Variants in KCNQ1 observed in about 807,000 individuals in gnomAD.
KCNQ1 encodes the protein potassium voltage-gated channel subfamily KQT member 1.
In KCNQ1, 49 loss-of-function variants were observed where a neutral mutation model predicts 72.4. The observed-to-expected ratio is 0.68, with a 90% CI of 0.54 to 0.86. The LOEUF is 0.86. Among genes scored for constraint, KCNQ1 ranks in the 40% least tolerant of loss-of-function variants. The probability of loss-of-function intolerance (pLI) is 0.00; values close to 1 mark genes in which losing one functional copy is unlikely to be tolerated. For missense variants in KCNQ1, 790 were observed against 945.1 expected (o/e 0.84, Z 2.15); for synonymous variants, 450 against 412.6 (o/e 1.09, Z -1.10).
chr11:2,640,673 C>A, intron 10 of KCNQ1: 1 of 397,928 alleles, frequency 2.5e-6, no homozygotes, highest in South Asian at 1.3e-4. Context: ...CTCAATTTAT[C>A]ATCTCTATAG....
chr11:2,783,155 T>C lies in KCNQ1; in HGVS notation c.1794+5118T>C, dbSNP rs1439948197. On this transcript the variant is annotated intron_variant, in intron 15 of 15. Transcript: ENST00000155840. This position sits in a 1 kb window ranked among gnomAD's most constrained non-coding sequence, Gnocchi z 5.2. ...AAACTACATCTCCCACATTTTGATA[T>C]ATGGCATTTAATTTTAATCTTCATT... Among the ~76,000 whole-genome samples the C allele has an allele frequency of 1.3e-5, 2 of 152,180 alleles. No homozygotes were observed. The highest frequency in any genetic ancestry group is 2.9e-5 in the Non-Finnish European group (2 of 67,998).
intron 1 of KCNQ1, among the ~76,000 whole-genome samples, chr11:2,522,277 G>T (rs1224374448): frequency 1.3e-5 from 2 of 152,148 alleles, no homozygotes; most frequent in Admixed American, 1.3e-4. Context: ...AGCTGGGGGG[G>T]GGTCGGTGTC....
chr11:2,770,561 C>A (rs2133983109), intron 12 of KCNQ1, among the ~76,000 whole-genome samples: 1 of 152,390 alleles, frequency 6.6e-6, no homozygotes. Flanking sequence ...GGCCCTCCCA[C>A]CTGCATCCCC....
rs532968659 is a variant in KCNQ1 at position 2,807,973 on chromosome 11, T to A, written c.1794+29936T>A. Among the ~76,000 whole-genome samples the A allele has an allele frequency of 5.3e-5, 8 of 152,262 alleles. No homozygotes were observed. The South Asian group carries it at 1.7e-3, about 32-fold the overall frequency. Reference sequence around the variant, plus strand: ...CCTGGAGCCTCGGTTTCCACATCTGTAAGGATGAGACAGGAACGGTCTCTC... The same window carrying A: ...CCTGGAGCCTCGGTTTCCACATCTGAAAGGATGAGACAGGAACGGTCTCTC... On this transcript the variant is annotated intron_variant, in intron 15 of 15. Coordinates refer to ENST00000155840, the MANE Select transcript of KCNQ1 (RefSeq NM_000218.3).
At chr11:2,833,506 C>T (rs917233862) in intron 15 of KCNQ1, among the ~76,000 whole-genome samples, 1 of 152,238 alleles carries the variant, frequency 6.6e-6, no homozygotes, top group Non-Finnish European at 1.5e-5. Context: ...GGCACGTGGA[C>T]CTGGGAGCCA....
chr11:2,725,878 T>G lies in KCNQ1; in HGVS notation c.1515-42966T>G, dbSNP rs890641526. ...CCCACAGGCCAAGCGTTTTCTGACT[T>G]GGAGAGGCAGGAGGCCAACTCCCCG... On this transcript the variant is annotated intron_variant, in intron 11 of 15. Transcript: ENST00000155840. This position sits in a 1 kb window ranked among gnomAD's most constrained non-coding sequence, Gnocchi z 7.2. 1.3e-5 allele frequency among the ~76,000 whole-genome samples: 2 copies of G among 152,032 alleles called. No homozygotes were observed. Among genetic ancestry groups the G allele is most frequent in the Admixed American group, 6.5e-5 (1 of 15,278 alleles).
chr11:2,455,333 T>C (rs188483341), intron 1 of KCNQ1, among the ~76,000 whole-genome samples: 35 of 152,268 alleles, frequency 2.3e-4, no homozygotes, highest in Admixed American at 5.9e-4. Flanking sequence ...CTCCTGACCT[T>C]GTGATCCACC....
rs1264504371 is a variant in KCNQ1 at position 2,458,816 on chromosome 11, A to G, written c.386+13332A>G. On this transcript the variant is annotated intron_variant, in intron 1 of 15. Transcript: ENST00000155840. The surrounding 1 kb of genome is among the most constrained non-coding windows in gnomAD (Gnocchi z 4.6). ...CAGTGGTGGGGGATGGCTCTGTAGG[A>G]CACATGACCTGATTTCCTCAGTAAG... Among the ~76,000 whole-genome samples, 1 of 152,216 alleles carries G rather than the reference A, an allele frequency of 6.6e-6. No homozygotes were observed. Among genetic ancestry groups the G allele is most frequent in the Non-Finnish European group, 1.5e-5 (1 of 68,032 alleles).
intron 11 of KCNQ1, among the ~76,000 whole-genome samples, chr11:2,733,774 C>CCATACA (rs1554914234): frequency 1.7e-5 from 1 of 57,492 alleles, no homozygotes; most frequent in African/African-American, 6.6e-5. Context: ...TTCAGGCCTT[C>CCATACA]CACACACACA....
intron 2 of KCNQ1, among the ~76,000 whole-genome samples, chr11:2,540,503 C>T (rs552836422): frequency 4.5e-4 from 68 of 152,336 alleles, no homozygotes; most frequent in African/African-American, 1.4e-3. Flanking sequence ...AACGGGATGC[C>T]TGGTGGGATG....
intron 10 of KCNQ1, chr11:2,646,293 T>C (rs1849664209): frequency 2.5e-6 from 1 of 398,500 alleles, no homozygotes; most frequent in Non-Finnish European, 4.4e-6. Flanking sequence ...TATATTGCTA[T>C]AGGTAAATAT....
chr11:2,654,236 T>G lies in KCNQ1; in HGVS notation c.1394-7725T>G, dbSNP rs1411677297. 5.0e-6 allele frequency: 2 copies of G among 398,442 alleles called. No homozygotes were observed. Among genetic ancestry groups the G allele is most frequent in the Admixed American group, 4.4e-5 (1 of 22,708 alleles). The allele number at this position is 398,442 out of a possible 1,614,324, so 24.7% of individuals were successfully genotyped here. A position where few individuals can be genotyped will look rare whatever the true frequency, so the allele number is the denominator to read the frequency against. On this transcript the variant is annotated intron_variant, in intron 10 of 15. Transcript: ENST00000155840. The surrounding 1 kb of genome is among the most constrained non-coding windows in gnomAD (Gnocchi z 6.4). ...CTGGCTGCAGCTGTCCGGATGCCCCTGGGGAGGGCTTCTCCTTCACAGTGC... is the reference window on the plus strand; with the variant it reads ...CTGGCTGCAGCTGTCCGGATGCCCCGGGGGAGGGCTTCTCCTTCACAGTGC...
At position 2,848,870 on chromosome 11, in the gene KCNQ1, G is replaced by T. The variant is rs1215910726; in HGVS notation, c.*867G>T. 2.2e-6 allele frequency: 1 copy of T among 454,140 alleles called. No homozygotes were observed. Among genetic ancestry groups the T allele is most frequent in the Non-Finnish European group, 4.4e-6 (1 of 226,796 alleles). The allele number at this position is 454,140 out of a possible 1,614,324, so 28.1% of individuals were successfully genotyped here. ...CTACACAGGACAGGGGTTCCTTCTGGGCATTACATCGCATAGAAATCAATA... is the reference window on the plus strand; with the variant it reads ...CTACACAGGACAGGGGTTCCTTCTGTGCATTACATCGCATAGAAATCAATA... On this transcript the variant is annotated 3_prime_UTR_variant, in exon 16 of 16. Transcript: ENST00000155840.
chr11:2,662,649 T>C (rs1011488443), intron 11 of KCNQ1: 1 of 407,906 alleles, frequency 2.5e-6, no homozygotes, highest in Non-Finnish European at 4.3e-6. Flanking sequence ...ACGGTGTGAT[T>C]CCCCTGCGAC....
chr11:2,500,949 C>T (rs1847000263), intron 1 of KCNQ1, among the ~76,000 whole-genome samples: 2 of 152,068 alleles, frequency 1.3e-5, no homozygotes, highest in Non-Finnish European at 2.9e-5. Flanking sequence ...GTGCAGCAAA[C>T]CACCATGGCA....
chr11:2,632,689 TC>T, intron 10 of KCNQ1: 1 of 398,400 alleles, frequency 2.5e-6, no homozygotes, highest in East Asian at 3.6e-5. Context: ...CCTCCATCTT[TC>T]TGTGCCTAAT....
At chr11:2,810,539 G>A (rs143455382) in intron 15 of KCNQ1, among the ~76,000 whole-genome samples, 2,911 of 152,330 alleles carry the variant, frequency 0.019, 41 homozygotes, top group Non-Finnish European at 0.029. Context: ...CAGAGCACAC[G>A]CTTGCTCTCT....
chr11:2,823,939 G>A (rs540227853), intron 15 of KCNQ1, among the ~76,000 whole-genome samples: 38 of 152,268 alleles, frequency 2.5e-4, no homozygotes, highest in African/African-American at 8.2e-4. Context: ...TTGACAAGTC[G>A]AGAAACCATG....
In KCNQ1 at chr11:2,642,795, T is replaced by G. The variant is rs986477148; in HGVS notation, c.1394-19166T>G. ...TTTTCTACCTTTTTTAATGGAGGCA[T>G]TTATTACAATAAACTTTCCTCTTAG... On this transcript the variant is annotated intron_variant, in intron 10 of 15. Coordinates refer to ENST00000155840, the MANE Select transcript of KCNQ1 (RefSeq NM_000218.3). The surrounding 1 kb of genome is among the most constrained non-coding windows in gnomAD (Gnocchi z 4.3). 2.5e-6 allele frequency: 1 copy of G among 397,862 alleles called. No homozygotes were observed. Among genetic ancestry groups the G allele is most frequent in the Non-Finnish European group, 4.4e-6 (1 of 225,656 alleles). The allele number at this position is 397,862 out of a possible 1,614,324, so 24.6% of individuals were successfully genotyped here.
Sources: gnomAD v4.1 joint callset for allele counts (sites outside exome capture counted in the v4.1 genomes callset) on GRCh38, gnomAD v4.1.1 for gene constraint, Gnocchi (gnomAD v3.1) non-coding constraint, MANE v1.5 for transcripts, NCBI Gene and HGNC (gene_info 2026-07-23, HGNC 2026-07-21) for gene names.